DENND2B: variants seen among roughly 807,000 people sequenced by gnomAD.
DENND2B encodes DENN domain containing 2B.
Under a neutral mutation model 116.0 loss-of-function variants are expected in DENND2B, and 32 were observed. The ratio of observed to expected loss-of-function variants is 0.28; its 90% CI spans 0.21 to 0.37. The LOEUF is 0.37. Ranked by LOEUF, DENND2B falls within the 10% of genes least tolerant of loss-of-function variation. The pLI is 1.00. For synonymous variants in DENND2B, 588 were observed against 583.9 expected, an observed-to-expected ratio of 1.01 and a Z score of -0.10; for missense variants, 1,276 against 1,477.7, an observed-to-expected ratio of 0.86 and a Z score of 2.24.
At chr11:8,797,727 G>A (rs2059959527) in intron 1 of DENND2B, among the ~76,000 whole-genome samples, 1 of 152,048 alleles carries the variant, frequency 6.6e-6, no homozygotes, top group African/African-American at 2.4e-5. Context: ...GGGGGTTACA[G>A]GCATGAGCCA....
At chr11:8,698,459 G>A (rs554747438) in intron 16 of DENND2B, among the ~76,000 whole-genome samples, 2 of 152,234 alleles carry the variant, frequency 1.3e-5, no homozygotes, top group Non-Finnish European at 2.9e-5. Context: ...GCACTGGGTT[G>A]TGCTCCTTTG....
chr11:8,897,820 T>C (rs2134753923), intron 1 of DENND2B, among the ~76,000 whole-genome samples: 1 of 152,302 alleles, frequency 6.6e-6, no homozygotes, highest in East Asian at 1.9e-4. Flanking sequence ...GGGTCTCACA[T>C]GGTTGCTCAG....
intron 4 of DENND2B, chr11:8,839,202 C>A (rs2062539074): frequency 6.6e-6 from 1 of 152,196 alleles, no homozygotes; most frequent in African/African-American, 2.4e-5. Context: ...TCAGTGGAAT[C>A]AGAAGGAAAT....
In DENND2B at chr11:8,707,651, G is replaced by A. The variant is rs1002064349; in HGVS notation, c.2430+126C>T. The A allele has an allele frequency of 2.2e-6, 2 of 912,176 alleles. No individual in the cohort carries two copies. Among genetic ancestry groups the A allele is most frequent in the African/African-American group, 3.3e-5 (2 of 60,210 alleles). 56.5% of individuals were successfully genotyped at this position (912,176 alleles called of 1,614,324 possible). A position where few individuals can be genotyped will look rare whatever the true frequency, so the allele number is the denominator to read the frequency against. ...GGTGTCAGAGAGCTCACTGGTACTTGTTCCTGCATTCTGTCTCCCGCTCGC... is the reference window on the plus strand; with the variant it reads ...GGTGTCAGAGAGCTCACTGGTACTTATTCCTGCATTCTGTCTCCCGCTCGC... On this transcript the variant is annotated intron_variant, in intron 12 of 19. Coordinates refer to ENST00000313726, the MANE Select transcript of DENND2B (RefSeq NM_213618.2). This position sits in a 1 kb window ranked among gnomAD's most constrained non-coding sequence, Gnocchi z 4.8.
intron 4 of DENND2B, chr11:8,835,563 G>C (rs1489339498): frequency 6.6e-6 from 1 of 152,194 alleles, no homozygotes; most frequent in Non-Finnish European, 1.5e-5. Context: ...AGGAAAGATG[G>C]GGATTAAAGA....
chr11:8,699,672 C>T (rs1437324428), intron 14 of DENND2B, among the ~76,000 whole-genome samples: 1 of 152,116 alleles, frequency 6.6e-6, no homozygotes, highest in Admixed American at 6.6e-5. Flanking sequence ...AGGGCTGTCT[C>T]GGGTTTGGGG....
chr11:8,707,694 T>G lies in DENND2B; in HGVS notation c.2430+83A>C, dbSNP rs1482480006. ...CCGCTCGCTCACAGTCACAGGTGGT[T>G]TTCTCATCTAAGCTGGCTGCAGATA... On this transcript the variant is annotated intron_variant, in intron 12 of 19. Coordinates refer to ENST00000313726, the MANE Select transcript of DENND2B (RefSeq NM_213618.2). The surrounding 1 kb of genome is among the most constrained non-coding windows in gnomAD (Gnocchi z 4.8). The G allele has an allele frequency of 5.8e-6, 8 of 1,390,764 alleles. No homozygotes were observed. The highest frequency in any genetic ancestry group is 5.9e-6 in the Non-Finnish European group (6 of 1,011,502). The allele number at this position is 1,390,764 out of a possible 1,614,324, so 86.2% of individuals were successfully genotyped here. A position where few individuals can be genotyped will look rare whatever the true frequency, so the allele number is the denominator to read the frequency against.
intron 1 of DENND2B, among the ~76,000 whole-genome samples, chr11:8,780,190 GT>G (rs1236468922): frequency 6.6e-6 from 1 of 152,184 alleles, no homozygotes; most frequent in Non-Finnish European, 1.5e-5. Context: ...AAGCCAATAT[GT>G]TTAGTGCTGT....
At chr11:8,723,337 G>A (rs1365979456) in intron 4 of DENND2B, among the ~76,000 whole-genome samples, 3 of 152,180 alleles carry the variant, frequency 2.0e-5, no homozygotes, top group Non-Finnish European at 2.9e-5. Context: ...AGAAAGGGAC[G>A]GCTTCAACCA....
chr11:8,903,608 C>A (rs761822118), intron 1 of DENND2B, among the ~76,000 whole-genome samples: 2 of 151,742 alleles, frequency 1.3e-5, no homozygotes, highest in African/African-American at 2.4e-5. Flanking sequence ...AGTGACTGGG[C>A]AAATTCTTAG....
chr11:8,895,355 C>T (rs1046730647), intron 1 of DENND2B, among the ~76,000 whole-genome samples: 1 of 152,114 alleles, frequency 6.6e-6, no homozygotes. Context: ...ATGTAACAAA[C>T]CTGCACGTTG....
chr11:8,698,352 C>CT (rs1795234490), intron 16 of DENND2B, among the ~76,000 whole-genome samples: 1 of 152,092 alleles, frequency 6.6e-6, no homozygotes, highest in Non-Finnish European at 1.5e-5. Context: ...TCTCTATACT[C>CT]TGTTTCTGTG....
At chr11:8,771,405 T>C (rs943342836) in intron 1 of DENND2B, among the ~76,000 whole-genome samples, 7 of 152,042 alleles carry the variant, frequency 4.6e-5, no homozygotes, top group East Asian at 1.9e-4. Flanking sequence ...TGTGTGTGTG[T>C]GCGTGTGTGC....
chr11:8,707,998 G>T lies in DENND2B; in HGVS notation c.2353-144C>A, dbSNP rs1407741050. 9.8e-6 allele frequency: 15 copies of T among 1,529,490 alleles called. No individual in the cohort carries two copies. The African/African-American group carries it at 1.4e-4, about 14-fold the overall frequency. 94.7% of individuals were successfully genotyped at this position (1,529,490 alleles called of 1,614,324 possible). On this transcript the variant is annotated intron_variant, in intron 11 of 19. Transcript: ENST00000313726. This position sits in a 1 kb window ranked among gnomAD's most constrained non-coding sequence, Gnocchi z 4.8. Reference sequence around the variant, plus strand: ...CTTTAAGCCTCCTCTAAACCTCTCTGCAACCAGAGCCCTGAAGGAACAGCC... The same window carrying T: ...CTTTAAGCCTCCTCTAAACCTCTCTTCAACCAGAGCCCTGAAGGAACAGCC...
intron 2 of DENND2B, among the ~76,000 whole-genome samples, chr11:8,876,423 AG>A (rs1430356151): frequency 6.6e-6 from 1 of 152,166 alleles, no homozygotes; most frequent in African/African-American, 2.4e-5. Context: ...GATACCATGC[AG>A]TGCCTTTTGT....
Position 8,707,214 on chromosome 11 carries a change from C to G in DENND2B, c.2442G>C (p.Glu814Asp). 1 of 1,612,686 alleles carries G rather than the reference C, an allele frequency of 6.2e-7. No homozygotes were observed. The highest frequency in any genetic ancestry group is 1.7e-4 in the Middle Eastern group (1 of 6,058). Residue 814 changes from glutamate (E) to aspartate (D), a missense_variant, in exon 13 of 20, where the codon GAG becomes GAC. Physicochemically the swap from Glu to Asp is conservative, Grantham distance 45. Around this residue, in one of 2 missense-constraint regions of DENND2B, gnomAD observed 420 missense variants for 631.1 expected, o/e 0.67. Transcript: ENST00000313726. The surrounding 1 kb of genome is among the most constrained non-coding windows in gnomAD (Gnocchi z 4.8). ...CGGAGATCCCACGCCGGCGCTCCAC[C>G]TCATCTAGGACCTGTGCCCACCGCC... is the stretch of plus-strand genomic sequence containing the variant. ...CFGLFSKVLD[E>D]VERRRGISAA...
At chr11:8,888,963 C>A (rs2063993249) in intron 1 of DENND2B, among the ~76,000 whole-genome samples, 1 of 152,074 alleles carries the variant, frequency 6.6e-6, no homozygotes, top group Admixed American at 6.6e-5. Flanking sequence ...AACTGGAACA[C>A]TTGTACACTC....
chr11:8,870,949 C>T (rs1198114683), intron 2 of DENND2B: 2 of 151,954 alleles, frequency 1.3e-5, no homozygotes, highest in Non-Finnish European at 2.9e-5. Flanking sequence ...CCCGGAGGCG[C>T]TTACCTCTGC....
rs1438322633 is a variant in DENND2B at position 8,702,772 on chromosome 11, C to T, written c.2572-52G>A. ...CCGGGGCCAGCCAAGTGGGTGCTGC[C>T]CTCTGGCCCTCCACGAAGCAACTGG... On this transcript the variant is annotated intron_variant, in intron 13 of 19. Coordinates refer to ENST00000313726, the MANE Select transcript of DENND2B (RefSeq NM_213618.2). The surrounding 1 kb of genome is among the most constrained non-coding windows in gnomAD (Gnocchi z 4.6). 6.3e-7 allele frequency: 1 copy of T among 1,588,598 alleles called. No individual in the cohort carries two copies. The highest frequency in any genetic ancestry group is 8.5e-7 in the Non-Finnish European group (1 of 1,169,922).
Sources: gnomAD v4.1 joint callset for allele counts (sites outside exome capture counted in the v4.1 genomes callset) on GRCh38, gnomAD v4.1.1 for gene constraint, gnomAD v4.1.1 regional missense constraint, Gnocchi (gnomAD v3.1) non-coding constraint, MANE v1.5 for transcripts, NCBI Gene and HGNC (gene_info 2026-07-23, HGNC 2026-07-21) for gene names.